IGF1R: variants seen among roughly 807,000 people sequenced by gnomAD.
The protein encoded by IGF1R is insulin like growth factor 1 receptor.
IGF1R carries 44 observed loss-of-function variants against 144.6 expected under a neutral mutation model. That is an observed-to-expected ratio of 0.30 (90% confidence interval 0.24 to 0.39). IGF1R has a LOEUF of 0.39. IGF1R is among the 10% of genes least tolerant of loss of function. IGF1R has a pLI of 1.00. For missense variants in IGF1R, 1,355 were observed against 1,833.7 expected, an observed-to-expected ratio of 0.74 and a Z score of 4.77; for synonymous variants, 795 against 722.8, an observed-to-expected ratio of 1.10 and a Z score of -1.60.
intron 7 of IGF1R, among the ~76,000 whole-genome samples, chr15:98,911,662 C>G: frequency 6.6e-6 from 1 of 152,110 alleles, no homozygotes; most frequent in Non-Finnish European, 1.5e-5. Context: ...AGTGTTAGCT[C>G]GAGGCCTGTC....
intron 1 of IGF1R, among the ~76,000 whole-genome samples, chr15:98,700,559 T>C (rs991272849): frequency 2.6e-5 from 4 of 152,194 alleles, no homozygotes; most frequent in African/African-American, 9.7e-5. Context: ...TTCCTTCAAG[T>C]GGTCCTGATG....
intron 2 of IGF1R, among the ~76,000 whole-genome samples, chr15:98,834,967 A>G (rs2057067065): frequency 6.6e-6 from 1 of 152,106 alleles, no homozygotes; most frequent in African/African-American, 2.4e-5. Flanking sequence ...TATGTTTGTA[A>G]GATGGCGAGT....
rs567317667 is a variant in IGF1R at position 98,649,267 on chromosome 15, C to G, written c.-315C>G. ...CTTTGCAGTTTTCCCCCCTTCCTGCCTCTCCGGGTTTGAAAATGGAGGCCG... is the reference window on the plus strand; with the variant it reads ...CTTTGCAGTTTTCCCCCCTTCCTGCGTCTCCGGGTTTGAAAATGGAGGCCG... On this transcript the variant is annotated 5_prime_UTR_variant, in exon 1 of 21. Coordinates refer to ENST00000650285, the MANE Select transcript of IGF1R (RefSeq NM_000875.5). 11 of 214,996 alleles carry G rather than the reference C, an allele frequency of 5.1e-5. No homozygotes were observed. Among genetic ancestry groups the G allele is most frequent in the Non-Finnish European group, 1.0e-4 (11 of 106,940 alleles). 13.3% of individuals were successfully genotyped at this position (214,996 alleles called of 1,614,324 possible). A position where few individuals can be genotyped will look rare whatever the true frequency, so the allele number is the denominator to read the frequency against.
At position 98,875,819 on chromosome 15, in the gene IGF1R, A is replaced by G. The variant is rs1379572255; in HGVS notation, c.641-15506A>G. Among the ~76,000 whole-genome samples, 12 of 151,900 alleles carry G rather than the reference A, an allele frequency of 7.9e-5. No homozygotes were observed. The East Asian group carries it at 2.3e-3, about 29-fold the overall frequency. Reference sequence around the variant, plus strand: ...CTGGATCTGGGAGCACGGTGCTAGGACTCTCTAAGCGTGACCTCCTTCAGT... The same window carrying G: ...CTGGATCTGGGAGCACGGTGCTAGGGCTCTCTAAGCGTGACCTCCTTCAGT... On this transcript the variant is annotated intron_variant, in intron 2 of 20. Transcript: ENST00000650285.
chr15:98,800,132 T>G (rs989679425), intron 2 of IGF1R, among the ~76,000 whole-genome samples: 9 of 152,092 alleles, frequency 5.9e-5, no homozygotes, highest in Admixed American at 5.2e-4. Flanking sequence ...GGACTTGGTG[T>G]TTTACAGAGC....
rs1245949418 is a variant in IGF1R, at chr15:98,959,540, C to T, written c.*2098C>T. The T allele has an allele frequency of 4.3e-6, 1 of 233,474 alleles. No homozygotes were observed. Among genetic ancestry groups the T allele is most frequent in the Non-Finnish European group, 8.5e-6 (1 of 118,044 alleles). The allele number at this position is 233,474 out of a possible 1,614,324, so 14.5% of individuals were successfully genotyped here. On this transcript the variant is annotated 3_prime_UTR_variant, in exon 21 of 21. Transcript: ENST00000650285. ...GAGGCAGCACAGACGCCACGGTGGC[C>T]CAAGAGCCCCTTTGCTTCTTGCTGG... is the stretch of plus-strand genomic sequence containing the variant.
intron 3 of IGF1R, chr15:98,893,609 C>G (rs1280051965): frequency 6.6e-6 from 1 of 152,202 alleles, no homozygotes; most frequent in East Asian, 1.9e-4. Context: ...GGAGTGGTAG[C>G]TTGTCCATGA....
At chr15:98,949,653 G>T (rs1247778960) in intron 20 of IGF1R, among the ~76,000 whole-genome samples, 2 of 152,214 alleles carry the variant, frequency 1.3e-5, no homozygotes, top group African/African-American at 4.8e-5. Context: ...TTACAGGCAT[G>T]AGCCATCGCA....
At chr15:98,874,904 C>G (rs1418002571) in intron 2 of IGF1R, among the ~76,000 whole-genome samples, 2 of 152,222 alleles carry the variant, frequency 1.3e-5, no homozygotes, top group Admixed American at 6.5e-5. Flanking sequence ...CTCCATTTAA[C>G]AAGCATTGCA....
intron 2 of IGF1R, among the ~76,000 whole-genome samples, chr15:98,865,778 G>C (rs1422545447): frequency 2.0e-5 from 3 of 152,252 alleles, no homozygotes; most frequent in African/African-American, 7.2e-5. Context: ...GCCTCGCTGG[G>C]AAGTGGAGGG....
At chr15:98,835,822 T>C (rs1364538859) in intron 2 of IGF1R, among the ~76,000 whole-genome samples, 1 of 152,210 alleles carries the variant, frequency 6.6e-6, no homozygotes. Context: ...TAGGGCTGCA[T>C]TTTCTTCAAA....
intron 2 of IGF1R, among the ~76,000 whole-genome samples, chr15:98,736,281 G>C (rs956742119): frequency 2.0e-5 from 3 of 152,210 alleles, no homozygotes; most frequent in African/African-American, 2.4e-5. Flanking sequence ...ATCTCAGCAA[G>C]AAAGGTTAAT....
At chr15:98,846,718 T>C (rs977939536) in intron 2 of IGF1R, among the ~76,000 whole-genome samples, 1 of 152,350 alleles carries the variant, frequency 6.6e-6, no homozygotes, top group Admixed American at 6.5e-5. Flanking sequence ...GTTTCTCTTA[T>C]GCTGCCTTAA....
At chr15:98,698,427 C>T (rs745845348) in intron 1 of IGF1R, among the ~76,000 whole-genome samples, 33 of 152,322 alleles carry the variant, frequency 2.2e-4, no homozygotes, top group African/African-American at 7.2e-4. Flanking sequence ...TCTTGAAAAA[C>T]GGAAACTCTG....
At chr15:98,919,422 T>C (rs2151686965) in intron 10 of IGF1R, among the ~76,000 whole-genome samples, 1 of 152,322 alleles carries the variant, frequency 6.6e-6, no homozygotes, top group Middle Eastern at 3.4e-3. Context: ...GGGTTGTGAG[T>C]CAAGGTTTTG....
intron 5 of IGF1R, among the ~76,000 whole-genome samples, chr15:98,903,601 T>C (rs1390470745): frequency 1.3e-5 from 2 of 152,222 alleles, no homozygotes; most frequent in African/African-American, 2.4e-5. Context: ...GTATTACTCA[T>C]AATAGCCTCC....
intron 2 of IGF1R, among the ~76,000 whole-genome samples, chr15:98,850,429 G>C (rs527648895): frequency 4.6e-5 from 7 of 152,208 alleles, no homozygotes; most frequent in African/African-American, 7.2e-5. Flanking sequence ...AGACACCTGG[G>C]GGGGGCACCA....
At position 98,844,788 on chromosome 15, in the gene IGF1R, A is replaced by G. The variant is rs377218334; in HGVS notation, c.641-46537A>G. Among the ~76,000 whole-genome samples the G allele has an allele frequency of 1.1e-4, 16 of 152,304 alleles. 1 individual carries two copies. Among genetic ancestry groups the G allele is most frequent in the East Asian group, 7.7e-4 (4 of 5,186 alleles). On this transcript the variant is annotated intron_variant, in intron 2 of 20. Transcript: ENST00000650285. ...AAGAAATCTTTTTTTAAGTGAATCA[A>G]TGGGAACTTTTTATTTCTTCCCTAA...
intron 2 of IGF1R, among the ~76,000 whole-genome samples, chr15:98,868,569 G>T (rs2012596479): frequency 6.6e-6 from 1 of 152,050 alleles, no homozygotes; most frequent in Middle Eastern, 3.2e-3. Context: ...GCGCATACAG[G>T]TGCCCTGTAG....
Sources: gnomAD v4.1 joint callset for allele counts (sites outside exome capture counted in the v4.1 genomes callset) on GRCh38, gnomAD v4.1.1 for gene constraint, MANE v1.5 for transcripts, NCBI Gene and HGNC (gene_info 2026-07-23, HGNC 2026-07-21) for gene names.